The following CHD3 variants were observed in gnomAD, a reference collection of about 807,000 sequenced individuals.
CHD3 encodes ATP-dependent chromatin remodeler CHD3.
Under a neutral mutation model 248.9 loss-of-function variants are expected in CHD3, and 52 were observed. The ratio of observed to expected loss-of-function variants is 0.21; its 90% CI spans 0.17 to 0.26. CHD3 has a LOEUF of 0.26. CHD3 is among the 10% of genes least tolerant of loss of function. The pLI is 1.00. For missense variants in CHD3, 1,482 were observed against 2,605.8 expected (o/e 0.57, Z 9.39); for synonymous variants, 985 against 985.2 (o/e 1.00, Z 0.00).
Position 7,907,433 on chromosome 17 carries a change from G to A in CHD3, c.4869G>A (p.Gly1623=). Residue 1623 remains glycine, a synonymous_variant, in exon 32 of 40, where the codon GGG becomes GGA. Transcript: ENST00000330494. This position sits in a 1 kb window ranked among gnomAD's most constrained non-coding sequence, Gnocchi z 4.3. ...RKIPLEDEVP[G]VPGEMEPEPG... ...TTCCTCTAGAGGATGAGGTGCCAGG[G>A]GTGCCTGGAGAGATGGAGCCTGAAC... 2 of 1,611,134 alleles carry A rather than the reference G, an allele frequency of 1.2e-6. No individual in the cohort carries two copies. The highest frequency in any genetic ancestry group is 1.1e-5 in the South Asian group (1 of 90,546).
rs1156237135 is a variant in CHD3, at chr17:7,897,111, G to A, written c.1736G>A (p.Arg579Gln). 6.2e-7 allele frequency: 1 copy of A among 1,613,990 alleles called. No homozygotes were observed. The highest frequency in any genetic ancestry group is 1.1e-5 in the South Asian group (1 of 91,060). ...GAAATCTTCCATTTGGTTATGTATC[G>A]AAACTACCAGCGGAAGAATGACATG... ...QLEIFHLVMY[R>Q]NYQRKNDMDE... The change falls in exon 11 of 40, where the codon CGA (arginine) becomes CAA (glutamine). Residue 579 changes from arginine (R) to glutamine (Q), a missense_variant. This residue lies in a region of CHD3 where 14 missense variants were observed against 58.6 expected (regional missense o/e 0.24). Transcript: ENST00000330494. The surrounding 1 kb of genome is among the most constrained non-coding windows in gnomAD (Gnocchi z 4.8).
At position 7,907,313 on chromosome 17, in the gene CHD3, G is replaced by C. The variant is rs1421363286; in HGVS notation, c.4789-40G>C. ...GGGGGCTTGGAGGCCAGGTACCTGG[G>C]AGCCCTCTGGCTCATCCTGACCCCA... On this transcript the variant is annotated intron_variant, in intron 31 of 39. Transcript: ENST00000330494. The surrounding 1 kb of genome is among the most constrained non-coding windows in gnomAD (Gnocchi z 4.3). 1.2e-6 allele frequency: 2 copies of C among 1,611,972 alleles called. No homozygotes were observed. The highest frequency in any genetic ancestry group is 4.5e-5 in the East Asian group (2 of 44,878).
Position 7,910,225 on chromosome 17 carries a change from C to T in CHD3, c.5591-203C>T, listed in dbSNP as rs867646769. 1.8e-5 allele frequency: 11 copies of T among 615,660 alleles called. No homozygotes were observed. Among genetic ancestry groups the T allele is most frequent in the South Asian group, 1.8e-4 (9 of 50,798 alleles). 38.1% of individuals were successfully genotyped at this position (615,660 alleles called of 1,614,324 possible). On this transcript the variant is annotated intron_variant, in intron 37 of 39. Coordinates refer to ENST00000330494, the MANE Select transcript of CHD3 (RefSeq NM_001005273.3). The surrounding 1 kb of genome is among the most constrained non-coding windows in gnomAD (Gnocchi z 4.7). ...CTGGTCTCTCTGTCTCTTTTCCTGA[C>T]ACTTTTTCTTTTCCCCTGAGTTGCT...
chr17:7,906,885 A>C lies in CHD3; in HGVS notation c.4520A>C (p.His1507Pro). The change falls in exon 30 of 40, where the codon CAC becomes CCC. Residue 1507 changes from histidine (H) to proline (P), a missense_variant. Coordinates refer to ENST00000330494, the MANE Select transcript of CHD3 (RefSeq NM_001005273.3). The surrounding 1 kb of genome is among the most constrained non-coding windows in gnomAD (Gnocchi z 5.0). ...CCACCCCAGGTGCAGGAGTTTGAGCACATCAATGGGCGTTGGTCAATGCCG... is the reference window on the plus strand; with the variant it reads ...CCACCCCAGGTGCAGGAGTTTGAGCCCATCAATGGGCGTTGGTCAATGCCG... ...LVKKKVQEFE[H>P]INGRWSMPEL... 6.2e-7 allele frequency: 1 copy of C among 1,614,050 alleles called. No individual in the cohort carries two copies. The highest frequency in any genetic ancestry group is 8.5e-7 in the Non-Finnish European group (1 of 1,180,004).
Position 7,889,057 on chromosome 17 carries a change from G to A in CHD3, c.57G>A (p.Arg19=), listed in dbSNP as rs1336857700. The A allele has an allele frequency of 6.2e-7, 1 of 1,614,228 alleles. No homozygotes were observed. The highest frequency in any genetic ancestry group is 1.7e-5 in the Admixed American group (1 of 60,032). ...CAAGAAGTAAAAATGACCAGCTGAGGATTTCTTTTCCTCCAGGACTGTGTT... is the reference window on the plus strand; with the variant it reads ...CAAGAAGTAAAAATGACCAGCTGAGAATTTCTTTTCCTCCAGGACTGTGTT... ...LWARSKNDQL[R]ISFPPGLCWG... Residue 19 remains arginine (R), a synonymous_variant, in exon 1 of 40, where the codon AGG becomes AGA. Coordinates refer to ENST00000330494, the MANE Select transcript of CHD3 (RefSeq NM_001005273.3). The surrounding 1 kb of genome is among the most constrained non-coding windows in gnomAD (Gnocchi z 4.5).
chr17:7,910,310 T>C lies in CHD3; in HGVS notation c.5591-118T>C. The C allele has an allele frequency of 8.0e-7, 1 of 1,248,700 alleles. No individual in the cohort carries two copies. The highest frequency in any genetic ancestry group is 1.2e-6 in the Non-Finnish European group (1 of 852,330). 77.4% of individuals were successfully genotyped at this position (1,248,700 alleles called of 1,614,324 possible). On this transcript the variant is annotated intron_variant, in intron 37 of 39. Coordinates refer to ENST00000330494, the MANE Select transcript of CHD3 (RefSeq NM_001005273.3). The surrounding 1 kb of genome is among the most constrained non-coding windows in gnomAD (Gnocchi z 4.7). ...CTCTGGTTCTTTGACATCTGTGTTC[T>C]CCTCTCTCGCTCTTTTTCTGCCTGT... is the stretch of plus-strand genomic sequence containing the variant.
chr17:7,889,715 A>T lies in CHD3; in HGVS notation c.152A>T (p.Lys51Ile). 1 of 1,613,702 alleles carries T rather than the reference A, an allele frequency of 6.2e-7. No homozygotes were observed. Among genetic ancestry groups the T allele is most frequent in the South Asian group, 1.1e-5 (1 of 91,016 alleles). Residue 51 changes from lysine (K) to isoleucine (I), a missense_variant, in exon 2 of 40, where the codon AAA becomes ATA. Around this residue, in one of 20 missense-constraint regions of CHD3, gnomAD observed 169 missense variants for 168.1 expected, o/e 1.01. Transcript: ENST00000330494. This position sits in a 1 kb window ranked among gnomAD's most constrained non-coding sequence, Gnocchi z 4.5. ...LPSALGVKKR[K>I]RGPKKQKENK... ...TCAGCATTGGGTGTGAAGAAGAGAA[A>T]ACGAGGACCCAAGAAGCAGAAGGAG... is the stretch of plus-strand genomic sequence containing the variant.
Position 7,898,095 on chromosome 17 carries a change from A to C in CHD3, c.2044A>C (p.Arg682=). 6.2e-7 allele frequency: 1 copy of C among 1,613,784 alleles called. No individual in the cohort carries two copies. The highest frequency in any genetic ancestry group is 8.5e-7 in the Non-Finnish European group (1 of 1,179,800). Residue 682 remains arginine, a synonymous_variant, in exon 12 of 40, where the codon AGA becomes CGA. Coordinates refer to ENST00000330494, the MANE Select transcript of CHD3 (RefSeq NM_001005273.3). ...CGAAGAACATAAGCAAAGCTACTGG[A>C]GACACCGGTGAGGGAATGAGCTTGT... ...EYEEHKQSYW[R]HRELIMGEDP... is the part of the protein sequence containing the mutation.
rs1163647726 is a variant in CHD3 at position 7,911,815 on chromosome 17, A to C, written c.*230A>C. The C allele has an allele frequency of 1.1e-5, 15 of 1,352,456 alleles. No individual in the cohort carries two copies. The South Asian group carries it at 1.4e-4, about 13-fold the overall frequency. 83.8% of individuals were successfully genotyped at this position (1,352,456 alleles called of 1,614,324 possible). ...CTTGAAGACTGTGCTGGTGAGAAGA[A>C]GTCTGGGTGGGAGATGGCTGGCAGG... On this transcript the variant is annotated 3_prime_UTR_variant, in exon 40 of 40. Transcript: ENST00000330494. The surrounding 1 kb of genome is among the most constrained non-coding windows in gnomAD (Gnocchi z 5.4).
In CHD3 at chr17:7,903,237, C is replaced by A; in HGVS notation, c.3496-35C>A. 6.2e-7 allele frequency: 1 copy of A among 1,607,954 alleles called. No homozygotes were observed. The highest frequency in any genetic ancestry group is 1.1e-5 in the South Asian group (1 of 90,884). On this transcript the variant is annotated intron_variant, in intron 22 of 39. Transcript: ENST00000330494. The surrounding 1 kb of genome is among the most constrained non-coding windows in gnomAD (Gnocchi z 6.8). ...TGGGCAGCTTCTCCCCGGCCACTCC[C>A]CTGACCCACCCGCCACTTTCTCTTG...
upstream of CHD3, chr17:7,884,860 GGAGGAGGAAGAA>G (rs748527163): frequency 1.5e-4 from 185 of 1,219,492 alleles, 2 homozygotes; most frequent in South Asian, 1.8e-4. Context: ...TGGTGGTGTC[GGAGGAGGAAGAA>G]GAGGAGGAAG....
chr17:7,902,586 C>T, intron 20 of CHD3, 24 bp from the exon 21 acceptor site: 2 of 1,503,812 alleles, frequency 1.3e-6, no homozygotes, highest in South Asian at 1.1e-5. Context: ...TTATTGCAGA[C>T]TCCATCCTTT....
rs773212331 is a variant in CHD3, at chr17:7,908,452, A to C, written c.5203A>C (p.Lys1735Gln). 3.3e-5 allele frequency: 54 copies of C among 1,613,776 alleles called. No homozygotes were observed. Among genetic ancestry groups the C allele is most frequent in the Non-Finnish European group, 2.5e-6 (3 of 1,179,862 alleles). The part of the protein sequence containing the change: ...NEERAAISSG[K>Q]LNEIWHRRHD... Reference sequence around the variant, plus strand: ...GGAACGGGCAGCTATTTCCTCGGGGAAACTCAATGAGATCTGGCACAGAAG... The same window carrying C: ...GGAACGGGCAGCTATTTCCTCGGGGCAACTCAATGAGATCTGGCACAGAAG... The change falls in exon 35 of 40, where the codon AAA becomes CAA. Residue 1735 changes from lysine (K) to glutamine (Q), a missense_variant. Transcript: ENST00000330494. This position sits in a 1 kb window ranked among gnomAD's most constrained non-coding sequence, Gnocchi z 5.8.
Position 7,907,118 on chromosome 17 carries a change from C to T in CHD3, c.4667-8C>T, listed in dbSNP as rs748713277. ...TCTCTGTCTTTATCACTGTGCCTTC[C>T]CCTGCAGCTACTCCAGCTCCAAGTG... On this transcript the variant is annotated splice_region_variant and splice_polypyrimidine_tract_variant and intron_variant, in intron 30 of 39. Coordinates refer to ENST00000330494, the MANE Select transcript of CHD3 (RefSeq NM_001005273.3). The surrounding 1 kb of genome is among the most constrained non-coding windows in gnomAD (Gnocchi z 4.3). 85 of 1,614,026 alleles carry T rather than the reference C, an allele frequency of 5.3e-5. 1 individual carries two copies. Among genetic ancestry groups the T allele is most frequent in the Non-Finnish European group, 1.8e-5 (21 of 1,180,024 alleles).
rs1970960433 is a variant in CHD3, at chr17:7,906,434, C to T, written c.4359-119C>T. On this transcript the variant is annotated intron_variant, in intron 28 of 39. Transcript: ENST00000330494. The surrounding 1 kb of genome is among the most constrained non-coding windows in gnomAD (Gnocchi z 5.0). ...GAGAGTGAGAGGCCCAGGGGAGGAG[C>T]CCTGGAGCACCTGGGGATTTGGGGG... The T allele has an allele frequency of 6.8e-6, 7 of 1,036,762 alleles. No individual in the cohort carries two copies. Among genetic ancestry groups the T allele is most frequent in the East Asian group, 2.4e-5 (1 of 41,990 alleles). 64.2% of individuals were successfully genotyped at this position (1,036,762 alleles called of 1,614,324 possible).
At position 7,899,322 on chromosome 17, in the gene CHD3, GC is replaced by G. The variant is rs1228926442; in HGVS notation, c.2344-16del. 1.2e-6 allele frequency: 2 copies of G among 1,613,118 alleles called. No homozygotes were observed. Among genetic ancestry groups the G allele is most frequent in the Non-Finnish European group, 8.5e-7 (1 of 1,179,222 alleles). ...ACGGCCTCTAGCCTAGACTTATGCT[GC>G]CCCCATTCTTGACTCCCAGGGCCAC... On this transcript the variant is annotated intron_variant, in intron 14 of 39. Transcript: ENST00000330494. The surrounding 1 kb of genome is among the most constrained non-coding windows in gnomAD (Gnocchi z 6.8).
chr17:7,891,775 C>T (rs1033771834), intron 4 of CHD3, among the ~76,000 whole-genome samples: 1 of 151,836 alleles, frequency 6.6e-6, no homozygotes, highest in Non-Finnish European at 1.5e-5. Context: ...GCAGGAGAAT[C>T]GCTTGAACCC....
At chr17:7,886,026 C>T (rs1967890437), upstream of CHD3, among the ~76,000 whole-genome samples, 1 of 152,028 alleles carries the variant, frequency 6.6e-6, no homozygotes, top group African/African-American at 2.4e-5. This position sits in a 1 kb window ranked among gnomAD's most constrained non-coding sequence, Gnocchi z 4.2. Context: ...GGGGGGGGTC[C>T]CCCTCTTGAC....
upstream of CHD3, among the ~76,000 whole-genome samples, chr17:7,886,125 A>G (rs772114836): frequency 2.6e-5 from 4 of 151,364 alleles, no homozygotes; most frequent in Non-Finnish European, 5.9e-5. The surrounding 1 kb of genome is among the most constrained non-coding windows in gnomAD (Gnocchi z 4.2). Context: ...GAAACCACCC[A>G]CTCCCTGAGC....
Sources: allele counts gnomAD v4.1 joint callset (sites outside exome capture counted in the v4.1 genomes callset), GRCh38; gene constraint gnomAD v4.1.1; regional missense constraint gnomAD v4.1.1; non-coding constraint Gnocchi (gnomAD v3.1); transcripts MANE v1.5; gene names NCBI Gene and HGNC (gene_info 2026-07-23, HGNC 2026-07-21).